COL21A1: variants seen among roughly 807,000 people sequenced by gnomAD.
The protein encoded by COL21A1 is collagen type XXI alpha 1 chain, also known as collagen alpha-1(XXI) chain.
COL21A1 carries 149 observed loss-of-function variants against 137.9 expected under a neutral mutation model. The ratio of observed to expected loss-of-function variants is 1.08; its 90% CI spans 0.95 to 1.24. The LOEUF (loss-of-function observed/expected upper bound fraction) is 1.24, where lower values mean the gene tolerates loss of function less well. Ranked by LOEUF, COL21A1 falls within the 50% of genes most tolerant of loss-of-function variation. The pLI, the probability that COL21A1 is intolerant of heterozygous loss-of-function variation, is 0.00. For missense variants in COL21A1, 1,167 were observed against 1,158.4 expected (o/e 1.01, Z -0.11); for synonymous variants, 456 against 391.5 (o/e 1.16, Z -1.95).
intron 12 of COL21A1, among the ~76,000 whole-genome samples, chr6:56,140,552 C>T (rs1334051067): frequency 6.6e-6 from 1 of 152,108 alleles, no homozygotes; most frequent in Non-Finnish European, 1.5e-5. Flanking sequence ...TCCTGCACTG[C>T]CACAAGTCAA....
chr6:56,327,455 C>A (rs1170761926), intron 1 of COL21A1, among the ~76,000 whole-genome samples: 1 of 151,910 alleles, frequency 6.6e-6, no homozygotes, highest in African/African-American at 2.4e-5. Flanking sequence ...AAGTGTTTGG[C>A]CTGGGGAATG....
chr6:56,164,331 C>A (rs1776407065), intron 9 of COL21A1, 92 bp downstream of exon 9: 1 of 835,380 alleles, frequency 1.2e-6, no homozygotes, highest in Non-Finnish European at 1.9e-6. Flanking sequence ...ATAGAAATTT[C>A]TCAACAGGAT....
chr6:56,107,556 A>C (rs571359620), intron 16 of COL21A1, among the ~76,000 whole-genome samples: 2 of 152,268 alleles, frequency 1.3e-5, no homozygotes, highest in South Asian at 4.1e-4. Flanking sequence ...TCTTCATAGG[A>C]AAAAGAGTCA....
intron 16 of COL21A1, among the ~76,000 whole-genome samples, chr6:56,116,840 T>C (rs564676498): frequency 6.6e-6 from 1 of 152,102 alleles, no homozygotes. Context: ...TTATTAGTTT[T>C]CTTTTTGCTT....
At chr6:56,202,087 A>T (rs1779446840) in intron 1 of COL21A1, among the ~76,000 whole-genome samples, 1 of 152,162 alleles carries the variant, frequency 6.6e-6, no homozygotes, top group African/African-American at 2.4e-5. Flanking sequence ...CTAATCAAGG[A>T]TAGTACAGAT....
At chr6:56,098,620 TATATAA>T (rs1770038654) in intron 17 of COL21A1, among the ~76,000 whole-genome samples, 1 of 59,156 alleles carries the variant, frequency 1.7e-5, no homozygotes, top group African/African-American at 8.7e-5. Context: ...TATATAAATA[TATATAA>T]ATATATATAT....
At chr6:56,351,977 A>G (rs1765720505) in intron 1 of COL21A1, among the ~76,000 whole-genome samples, 2 of 152,202 alleles carry the variant, frequency 1.3e-5, no homozygotes, top group Admixed American at 1.3e-4. Flanking sequence ...AATATAAAAG[A>G]TATTTTAATG....
intron 16 of COL21A1, among the ~76,000 whole-genome samples, chr6:56,105,690 G>A (rs1420034573): frequency 6.6e-6 from 1 of 152,018 alleles, no homozygotes; most frequent in Non-Finnish European, 1.5e-5. Flanking sequence ...CTAGTTCTTT[G>A]TTTCCTCATC....
chr6:56,116,812 C>T (rs1216889361), intron 16 of COL21A1, among the ~76,000 whole-genome samples: 1 of 151,902 alleles, frequency 6.6e-6, no homozygotes, highest in Non-Finnish European at 1.5e-5. Context: ...ACCAGGGGCA[C>T]AAAGTTAAGG....
At chr6:56,114,011 C>T (rs373174265) in intron 16 of COL21A1, among the ~76,000 whole-genome samples, 3 of 152,206 alleles carry the variant, frequency 2.0e-5, no homozygotes, top group East Asian at 1.9e-4. Context: ...AGAAGGACTG[C>T]GTCTTGTGGT....
chr6:56,175,747 C>A (rs1205948282), intron 3 of COL21A1, among the ~76,000 whole-genome samples: 1 of 152,076 alleles, frequency 6.6e-6, no homozygotes, highest in African/African-American at 2.4e-5. Flanking sequence ...ATAAAAATCC[C>A]AATAACGTTT....
intron 9 of COL21A1, among the ~76,000 whole-genome samples, chr6:56,164,204 T>C (rs1427895405): frequency 3.3e-5 from 5 of 152,224 alleles, no homozygotes; most frequent in Non-Finnish European, 5.9e-5. Flanking sequence ...CTCAGTTTAA[T>C]GTGGATGACA....
chr6:56,109,255 G>T (rs1412984565), intron 16 of COL21A1, among the ~76,000 whole-genome samples: 1 of 151,418 alleles, frequency 6.6e-6, no homozygotes, highest in Non-Finnish European at 1.5e-5. Flanking sequence ...TACAATGTTG[G>T]ATCTTTGAAA....
chr6:56,264,403 C>T (rs1236260421), intron 1 of COL21A1, among the ~76,000 whole-genome samples: 2 of 152,188 alleles, frequency 1.3e-5, no homozygotes, highest in South Asian at 4.1e-4. Flanking sequence ...TTTCCTTCTA[C>T]TTCTATGGTG....
intron 10 of COL21A1, among the ~76,000 whole-genome samples, chr6:56,152,197 G>T (rs1228669879): frequency 6.6e-6 from 1 of 152,116 alleles, no homozygotes; most frequent in Admixed American, 6.5e-5. Flanking sequence ...TCTAGAGGCT[G>T]CCATTGTTCC....
At chr6:56,260,442 C>T (rs1165856910) in intron 1 of COL21A1, among the ~76,000 whole-genome samples, 1 of 151,400 alleles carries the variant, frequency 6.6e-6, no homozygotes, top group Admixed American at 6.6e-5. Context: ...GGCGTGGTGG[C>T]ATGTACCTGT....
intron 1 of COL21A1, among the ~76,000 whole-genome samples, chr6:56,230,461 C>G (rs547476354): frequency 6.6e-6 from 1 of 151,722 alleles, no homozygotes; most frequent in Non-Finnish European, 1.5e-5. Flanking sequence ...TTCCGTACAG[C>G]CTCATTTTAT....
chr6:56,291,589 A>G (rs1371171506), intron 1 of COL21A1, among the ~76,000 whole-genome samples: 1 of 152,206 alleles, frequency 6.6e-6, no homozygotes, highest in South Asian at 2.1e-4. Flanking sequence ...CTCCAACACC[A>G]CAAAGCAGAG....
At chr6:56,337,867 A>C (rs1765364777) in intron 1 of COL21A1, among the ~76,000 whole-genome samples, 1 of 152,172 alleles carries the variant, frequency 6.6e-6, no homozygotes, top group African/African-American at 2.4e-5. Context: ...TTTTAAAAAC[A>C]TAGTTTCACA....
Sources: allele counts gnomAD v4.1 joint callset (sites outside exome capture counted in the v4.1 genomes callset), GRCh38; gene constraint gnomAD v4.1.1; transcripts MANE v1.5; gene names NCBI Gene and HGNC (gene_info 2026-07-23, HGNC 2026-07-21).